RIMS2: variants seen among roughly 807,000 people sequenced by gnomAD.
The protein encoded by RIMS2 is regulating synaptic membrane exocytosis protein 2.
A neutral mutation model predicts 174.4 loss-of-function variants in RIMS2; 59 were observed. The observed-to-expected ratio is 0.34, with a 90% CI of 0.27 to 0.42. The LOEUF is 0.42. RIMS2 is among the 10% of genes least tolerant of loss of function. The pLI is 1.00. For missense variants in RIMS2, 1,620 were observed against 1,666.3 expected (o/e 0.97, Z 0.48); for synonymous variants, 606 against 572.5 (o/e 1.06, Z -0.84).
chr8:104,232,474 GA>G (rs774065568), intron 19 of RIMS2, among the ~76,000 whole-genome samples: 88 of 152,346 alleles, frequency 5.8e-4, no homozygotes, highest in Non-Finnish European at 1.1e-3. Flanking sequence ...AATTTAAGCA[GA>G]AAAGAAAGGT....
chr8:103,815,626 C>G (rs916168879), intron 3 of RIMS2, among the ~76,000 whole-genome samples: 7 of 151,996 alleles, frequency 4.6e-5, no homozygotes, highest in African/African-American at 1.5e-4. Flanking sequence ...TCTAATTTTT[C>G]TGGAAAAGGA....
At chr8:103,954,249 G>A (rs953646479) in intron 14 of RIMS2, among the ~76,000 whole-genome samples, 9 of 151,924 alleles carry the variant, frequency 5.9e-5, no homozygotes, top group African/African-American at 1.7e-4. Flanking sequence ...CTGACCAAGC[G>A]GCCTAATAGA....
chr8:104,208,576 A>G (rs1271247854), intron 19 of RIMS2, among the ~76,000 whole-genome samples: 1 of 98,986 alleles, frequency 1.0e-5, no homozygotes, highest in Non-Finnish European at 2.3e-5. Flanking sequence ...TCAAAAAAAA[A>G]GAAAAAAAAA....
chr8:103,788,002 T>C (rs1256043293), intron 3 of RIMS2, among the ~76,000 whole-genome samples: 1 of 151,860 alleles, frequency 6.6e-6, no homozygotes, highest in Non-Finnish European at 1.5e-5. Context: ...ACTTCCCTTC[T>C]CACTTCATTT....
chr8:104,058,999 A>G (rs62528385), intron 19 of RIMS2, among the ~76,000 whole-genome samples: 106,318 of 150,966 alleles, frequency 0.7, 37,875 homozygotes, highest in Middle Eastern at 0.74. Flanking sequence ...AAGTCAGGTA[A>G]CGTGATGCCT....
chr8:103,743,598 C>A (rs78464942), intron 2 of RIMS2, among the ~76,000 whole-genome samples: 4,724 of 152,078 alleles, frequency 0.031, 223 homozygotes, highest in African/African-American at 0.11. Context: ...ATCACAGATT[C>A]TTTTGTTTAC....
intron 13 of RIMS2, among the ~76,000 whole-genome samples, chr8:103,938,761 A>G (rs2081891868): frequency 6.6e-6 from 1 of 152,252 alleles, no homozygotes; most frequent in Non-Finnish European, 1.5e-5. Context: ...CTTCCTAGAT[A>G]CAATGGGGGT....
At chr8:103,649,506 G>A (rs1361998518) in intron 1 of RIMS2, among the ~76,000 whole-genome samples, 1 of 152,018 alleles carries the variant, frequency 6.6e-6, no homozygotes, top group Non-Finnish European at 1.5e-5. Flanking sequence ...TGTTGGGGAA[G>A]TTCTCCTGGA....
exon 19 of RIMS2, chr8:104,014,579 C>G: frequency 6.2e-7 from 1 of 1,612,340 alleles, no homozygotes; most frequent in Middle Eastern, 1.7e-4. Flanking sequence ...GGGCCGACAG[C>G]TTCCACAGCT....
chr8:103,989,472 T>C, intron 17 of RIMS2, 51 bp downstream of exon 19: 1 of 936,510 alleles, frequency 1.1e-6, no homozygotes, highest in Admixed American at 2.1e-5. Flanking sequence ...AATCACTGCT[T>C]TCAGGAAGGG....
intron 19 of RIMS2, among the ~76,000 whole-genome samples, chr8:104,070,784 A>C (rs537843400): frequency 4.5e-4 from 69 of 152,298 alleles, no homozygotes; most frequent in African/African-American, 1.4e-3. Flanking sequence ...ATATAGTCTC[A>C]ATAATATTGT....
At chr8:103,927,281 G>A (rs535207413) in intron 10 of RIMS2, among the ~76,000 whole-genome samples, 19 of 151,488 alleles carry the variant, frequency 1.3e-4, no homozygotes, top group African/African-American at 4.3e-4. Flanking sequence ...TTAGTCCAAC[G>A]TATTTCTGCA....
intron 19 of RIMS2, among the ~76,000 whole-genome samples, chr8:104,228,042 T>A (rs2511579): frequency 6.8e-6 from 1 of 146,922 alleles, no homozygotes. Context: ...TTTTTTTTTT[T>A]CTTTGAGACA....
chr8:104,186,614 A>G (rs1199317713), intron 19 of RIMS2, among the ~76,000 whole-genome samples: 1 of 151,696 alleles, frequency 6.6e-6, no homozygotes, highest in Non-Finnish European at 1.5e-5. Flanking sequence ...AGAACTCCAG[A>G]GGCTCTCCAT....
At chr8:103,948,855 T>C (rs1178677693) in intron 14 of RIMS2, among the ~76,000 whole-genome samples, 2 of 151,982 alleles carry the variant, frequency 1.3e-5, no homozygotes, top group African/African-American at 2.4e-5. Flanking sequence ...CCAGGCATGA[T>C]GGCTCACACC....
chr8:103,613,733 G>C (rs1451309578), intron 1 of RIMS2, among the ~76,000 whole-genome samples: 1 of 152,082 alleles, frequency 6.6e-6, no homozygotes, highest in Non-Finnish European at 1.5e-5. Context: ...CGGGACCAAG[G>C]GCTCCTTAAG....
At chr8:103,629,653 C>T (rs1381884631) in intron 1 of RIMS2, among the ~76,000 whole-genome samples, 1 of 152,008 alleles carries the variant, frequency 6.6e-6, no homozygotes, top group African/African-American at 2.4e-5. Flanking sequence ...ATACAATTAA[C>T]ATATGCCAAC....
intron 14 of RIMS2, among the ~76,000 whole-genome samples, chr8:103,958,626 C>A (rs930816299): frequency 3.3e-5 from 5 of 152,128 alleles, no homozygotes; most frequent in African/African-American, 1.2e-4. Context: ...AGAACTTGAT[C>A]TTTTTCTTGC....
rs1462186166 is a variant in RIMS2, at chr8:103,879,570, A to T, written c.699-5728A>T. Among the ~76,000 whole-genome samples, 3 of 151,574 alleles carry T rather than the reference A, an allele frequency of 2.0e-5. No homozygotes were observed. In the East Asian group the frequency reaches 5.8e-4, roughly 29 times the overall value. Reference sequence around the variant, plus strand: ...TTATTAGAAATCTGAGAGGTAAAAAAATCACATTCTCTGTCCACATCTTCC... The same window carrying T: ...TTATTAGAAATCTGAGAGGTAAAAATATCACATTCTCTGTCCACATCTTCC... On this transcript the variant is annotated intron_variant, in intron 3 of 23. Transcript: ENST00000504942.
Sources: allele counts gnomAD v4.1 joint callset (sites outside exome capture counted in the v4.1 genomes callset), GRCh38; gene constraint gnomAD v4.1.1; transcripts MANE v1.5; gene names NCBI Gene and HGNC (gene_info 2026-07-23, HGNC 2026-07-21).